Variants in RBMS3 observed in about 807,000 individuals in gnomAD.
The protein encoded by RBMS3 is RNA-binding motif, single-stranded-interacting protein 3.
A neutral mutation model predicts 66.8 loss-of-function variants in RBMS3; 27 were observed. The observed-to-expected ratio is 0.40, with a 90% CI of 0.30 to 0.56. RBMS3 has a LOEUF of 0.56. Among genes scored for constraint, RBMS3 ranks in the 20% least tolerant of loss-of-function variants. The probability of loss-of-function intolerance (pLI) is 0.40; values close to 1 mark genes in which losing one functional copy is unlikely to be tolerated. For synonymous variants in RBMS3, 188 were observed against 183.0 expected, an observed-to-expected ratio of 1.03 and a Z score of -0.22; for missense variants, 513 against 549.5, an observed-to-expected ratio of 0.93 and a Z score of 0.66.
intron 2 of RBMS3, among the ~76,000 whole-genome samples, chr3:29,465,596 A>G (rs1421991663): frequency 6.6e-6 from 1 of 150,714 alleles, no homozygotes; most frequent in Non-Finnish European, 1.5e-5. Flanking sequence ...GGGGTCTTTC[A>G]GAACGCGTAC....
chr3:29,585,106 C>T (rs781753267), intron 3 of RBMS3, among the ~76,000 whole-genome samples: 1 of 152,068 alleles, frequency 6.6e-6, no homozygotes, highest in Non-Finnish European at 1.5e-5. Flanking sequence ...TTTCTCCCAC[C>T]ACTATATACC....
chr3:29,783,008 A>C (rs1450842522), intron 6 of RBMS3, among the ~76,000 whole-genome samples: 1 of 152,154 alleles, frequency 6.6e-6, no homozygotes, highest in Non-Finnish European at 1.5e-5. Flanking sequence ...AAAAAAAAGA[A>C]CAAAGCCTTT....
At chr3:29,482,805 T>G (rs1288787105) in intron 2 of RBMS3, among the ~76,000 whole-genome samples, 4 of 145,444 alleles carry the variant, frequency 2.8e-5, no homozygotes, top group African/African-American at 1.0e-4. Context: ...CCTCCCAGGT[T>G]CAAGTGATTC....
At chr3:29,719,378 GC>G (rs1370334244) in intron 4 of RBMS3, among the ~76,000 whole-genome samples, 1 of 152,116 alleles carries the variant, frequency 6.6e-6, no homozygotes, top group Non-Finnish European at 1.5e-5. Flanking sequence ...AGGTGCCTTG[GC>G]CATAGGTAGT....
chr3:29,293,441 G>A (rs2032984824), intron 1 of RBMS3, among the ~76,000 whole-genome samples: 1 of 151,738 alleles, frequency 6.6e-6, no homozygotes, highest in Non-Finnish European at 1.5e-5. Context: ...GTCAGTTGAG[G>A]GTATGGGTGC....
At chr3:29,408,964 A>G (rs571860787) in intron 1 of RBMS3, among the ~76,000 whole-genome samples, 26 of 152,228 alleles carry the variant, frequency 1.7e-4, no homozygotes, top group Non-Finnish European at 3.7e-4. Context: ...TGCACACTTT[A>G]TTTTACTCCT....
chr3:29,562,805 T>C (rs1264407355), intron 3 of RBMS3, among the ~76,000 whole-genome samples: 3 of 152,174 alleles, frequency 2.0e-5, no homozygotes, highest in Non-Finnish European at 4.4e-5. Flanking sequence ...TAAGCATAGG[T>C]TATCTTTGAG....
chr3:29,830,445 G>T (rs973743218), intron 6 of RBMS3, among the ~76,000 whole-genome samples: 17 of 152,108 alleles, frequency 1.1e-4, no homozygotes, highest in Admixed American at 2.6e-4. Flanking sequence ...TAGTGAAGTT[G>T]CAGGGCAGGC....
At chr3:29,670,999 C>A (rs1319975098) in intron 4 of RBMS3, among the ~76,000 whole-genome samples, 1 of 152,224 alleles carries the variant, frequency 6.6e-6, no homozygotes. Context: ...AGACATCTCA[C>A]AATAGGGGCC....
chr3:29,798,350 A>AAGG (rs2057280810), intron 6 of RBMS3, among the ~76,000 whole-genome samples: 4 of 33,754 alleles, frequency 1.2e-4, no homozygotes, highest in African/African-American at 5.3e-4. Context: ...GGAGGGGAGG[A>AAGG]GAGGGGAGGG....
chr3:29,334,582 G>A (rs552028612), intron 1 of RBMS3, among the ~76,000 whole-genome samples: 1 of 152,012 alleles, frequency 6.6e-6, no homozygotes, highest in Admixed American at 6.6e-5. Context: ...AAAGATAAAA[G>A]TCTGACACAC....
At chr3:29,912,644 T>G (rs958574758) in intron 10 of RBMS3, among the ~76,000 whole-genome samples, 1 of 152,072 alleles carries the variant, frequency 6.6e-6, no homozygotes, top group African/African-American at 2.4e-5. Flanking sequence ...TTTTATTAAC[T>G]CTCAATAAAA....
intron 10 of RBMS3, among the ~76,000 whole-genome samples, chr3:29,929,837 C>T (rs113920772): frequency 6.6e-6 from 1 of 151,926 alleles, no homozygotes; most frequent in East Asian, 1.9e-4. Context: ...AAATATCATG[C>T]CAATTAGTCT....
intron 12 of RBMS3, among the ~76,000 whole-genome samples, chr3:29,976,026 A>G (rs931808748): frequency 2.0e-5 from 3 of 151,984 alleles, no homozygotes; most frequent in African/African-American, 7.2e-5. Flanking sequence ...TTTGTAATAT[A>G]GAAGTTTTCA....
At chr3:29,596,306 A>G (rs2047940344) in intron 4 of RBMS3, among the ~76,000 whole-genome samples, 1 of 152,250 alleles carries the variant, frequency 6.6e-6, no homozygotes, top group African/African-American at 2.4e-5. Context: ...TGAGAAAACT[A>G]CAGACTACCG....
intron 1 of RBMS3, among the ~76,000 whole-genome samples, chr3:29,377,497 C>G (rs867252824): frequency 6.6e-5 from 10 of 152,316 alleles, no homozygotes; most frequent in Middle Eastern, 3.4e-3. Flanking sequence ...CGCTGCCTAC[C>G]TGACTCAGTT....
intron 12 of RBMS3, among the ~76,000 whole-genome samples, chr3:29,982,115 T>C (rs759039441): frequency 1.3e-5 from 2 of 152,230 alleles, no homozygotes; most frequent in Non-Finnish European, 2.9e-5. Flanking sequence ...GTTATTGGTC[T>C]ATTCAGGGAT....
intron 4 of RBMS3, among the ~76,000 whole-genome samples, chr3:29,621,957 C>T (rs2048882349): frequency 1.3e-5 from 2 of 152,100 alleles, no homozygotes; most frequent in South Asian, 2.1e-4. Context: ...AAAACTTATA[C>T]TTCAGGCACT....
chr3:29,286,545 T>C (rs2032352542), intron 1 of RBMS3, among the ~76,000 whole-genome samples: 2 of 152,084 alleles, frequency 1.3e-5, no homozygotes, highest in Admixed American at 6.6e-5. Flanking sequence ...TTTCACTTTC[T>C]TTCAATTTGG....
Sources: gnomAD v4.1 joint callset for allele counts (sites outside exome capture counted in the v4.1 genomes callset) on GRCh38, gnomAD v4.1.1 for gene constraint, MANE v1.5 for transcripts, NCBI Gene and HGNC (gene_info 2026-07-23, HGNC 2026-07-21) for gene names.